Variants in VPS13B observed in about 807,000 individuals in gnomAD.
VPS13B encodes vacuolar protein sorting 13 homolog B, also known as intermembrane lipid transfer protein VPS13B.
VPS13B carries 285 observed loss-of-function variants against 426.4 expected under a neutral mutation model. The ratio of observed to expected loss-of-function variants is 0.67; its 90% CI spans 0.61 to 0.74. The LOEUF (loss-of-function observed/expected upper bound fraction) is 0.74, where lower values mean the gene tolerates loss of function less well. Among genes scored for constraint, VPS13B ranks in the 30% least tolerant of loss-of-function variants. The pLI, the probability that VPS13B is intolerant of heterozygous loss-of-function variation, is 0.00. For missense variants in VPS13B, 4,537 were observed against 4,782.6 expected (o/e 0.95, Z 1.51); for synonymous variants, 1,676 against 1,676.4 (o/e 1.00, Z 0.01).
At chr8:99,079,097 G>T (rs191764079) in intron 3 of VPS13B, among the ~76,000 whole-genome samples, 236 of 152,262 alleles carry the variant, frequency 1.5e-3, no homozygotes, top group African/African-American at 5.2e-3. Context: ...CAGGGCTCTG[G>T]AGAATGGGCG....
Position 99,652,203 on chromosome 8 carries a change from C to A in VPS13B, c.5909-9151C>A, listed in dbSNP as rs532574303. Reference sequence around the variant, plus strand: ...AGTCCTATGAGAGCTCAGGATTAGACCTCTCGGTACTAAGTTTTAATCCTG... The same window carrying A: ...AGTCCTATGAGAGCTCAGGATTAGAACTCTCGGTACTAAGTTTTAATCCTG... On this transcript the variant is annotated intron_variant, in intron 34 of 61. Transcript: ENST00000357162. Among the ~76,000 whole-genome samples, 4 of 152,146 alleles carry A rather than the reference C, an allele frequency of 2.6e-5. No homozygotes were observed. The East Asian group carries it at 7.7e-4, about 29-fold the overall frequency.
At chr8:99,287,207 T>G (rs964029116) in intron 19 of VPS13B, among the ~76,000 whole-genome samples, 3 of 151,050 alleles carry the variant, frequency 2.0e-5, no homozygotes, top group African/African-American at 7.3e-5. Context: ...TAAGGAGATA[T>G]ATGTGTGTGT....
chr8:99,837,106 A>C (rs1815437556), intron 54 of VPS13B, among the ~76,000 whole-genome samples: 1 of 152,142 alleles, frequency 6.6e-6, no homozygotes, highest in African/African-American at 2.4e-5. Context: ...TGTGAAGTGT[A>C]TTTGTGAAAT....
intron 25 of VPS13B, among the ~76,000 whole-genome samples, chr8:99,497,465 A>G (rs1264870986): frequency 6.6e-6 from 1 of 151,016 alleles, no homozygotes; most frequent in Non-Finnish European, 1.5e-5. Context: ...TTAACTACTC[A>G]ATGTTTGGAA....
intron 43 of VPS13B, among the ~76,000 whole-genome samples, chr8:99,801,127 G>C (rs571136012): frequency 1.3e-5 from 2 of 152,190 alleles, no homozygotes; most frequent in South Asian, 4.2e-4. Context: ...TTGATGCTCT[G>C]AGAGGAAATA....
At chr8:99,697,559 G>A (rs932638948) in intron 35 of VPS13B, 11 of 699,670 alleles carry the variant, frequency 1.6e-5, no homozygotes, top group Non-Finnish European at 2.6e-5. Flanking sequence ...GGACTACAGC[G>A]AGAACATGCA....
At chr8:99,290,751 T>C (rs901762923) in intron 19 of VPS13B, among the ~76,000 whole-genome samples, 1 of 152,158 alleles carries the variant, frequency 6.6e-6, no homozygotes, top group Admixed American at 6.6e-5. Context: ...CCAGTCTTTC[T>C]GACTTGGAAA....
chr8:99,061,899 A>T (rs72670203), intron 3 of VPS13B, among the ~76,000 whole-genome samples: 15 of 152,146 alleles, frequency 9.9e-5, no homozygotes, highest in Admixed American at 3.9e-4. Flanking sequence ...AGAAATTAAA[A>T]CAAGAGTGTT....
chr8:99,136,958 G>A (rs571600019), intron 12 of VPS13B, among the ~76,000 whole-genome samples: 8 of 152,164 alleles, frequency 5.3e-5, no homozygotes, highest in African/African-American at 1.9e-4. Flanking sequence ...GCTGACTGAA[G>A]ACATTTTGTA....
intron 3 of VPS13B, among the ~76,000 whole-genome samples, chr8:99,065,279 C>T (rs774225896): frequency 6.6e-6 from 1 of 152,176 alleles, no homozygotes; most frequent in Non-Finnish European, 1.5e-5. Context: ...TACTGGCAAA[C>T]CAAATCCAGC....
intron 35 of VPS13B, among the ~76,000 whole-genome samples, chr8:99,692,200 A>G (rs1477211357): frequency 6.7e-6 from 1 of 148,614 alleles, no homozygotes; most frequent in South Asian, 2.2e-4. Flanking sequence ...GACCTAATAG[A>G]CATCTACAGA....
chr8:99,784,266 C>T (rs778149303), intron 42 of VPS13B, 49 bp from the exon 43 acceptor site: 1 of 1,612,692 alleles, frequency 6.2e-7, no homozygotes, highest in Admixed American at 1.7e-5. Context: ...TGCCAAACAT[C>T]TTACAATTAA....
Position 99,819,432 on chromosome 8 carries a change from A to T in VPS13B, c.8642A>T (p.Asp2881Val). Reference sequence around the variant, plus strand: ...CCTAGAGAAGAATATGATCCTTCAGATTGTGCAGTTCCCATCTCAACATCC... The same window carrying T: ...CCTAGAGAAGAATATGATCCTTCAGTTTGTGCAGTTCCCATCTCAACATCC... ...FQAREEYDPS[D>V]CAVPISTSLI... Residue 2881 changes from aspartate to valine, a missense_variant, in exon 48 of 62, where the codon GAT becomes GTT. This residue lies in a region of VPS13B where 4,311 missense variants were observed against 4,474.3 expected (regional missense o/e 0.96). Transcript: ENST00000357162. 8.7e-6 allele frequency: 14 copies of T among 1,613,846 alleles called. No homozygotes were observed. Among genetic ancestry groups the T allele is most frequent in the Non-Finnish European group, 1.2e-5 (14 of 1,179,810 alleles).
rs140553694 is a variant in VPS13B, at chr8:99,399,717, A to C, written c.3082+8013A>C. On this transcript the variant is annotated intron_variant, in intron 21 of 61. Transcript: ENST00000357162. ...CTAGTGTTCATATGAAAACTCCTGAAGTGAATCATTAGCTCATAAAGAGAT... is the reference window on the plus strand; with the variant it reads ...CTAGTGTTCATATGAAAACTCCTGACGTGAATCATTAGCTCATAAAGAGAT... Among the ~76,000 whole-genome samples, 104 of 152,270 alleles carry C rather than the reference A, an allele frequency of 6.8e-4. 3 individuals carry two copies. The East Asian group carries it at 0.018, about 26-fold the overall frequency.
chr8:99,720,617 T>G, intron 38 of VPS13B, 65 bp downstream of exon 38: 1 of 1,523,390 alleles, frequency 6.6e-7, no homozygotes, highest in South Asian at 1.1e-5. Context: ...AAATGCATGT[T>G]GACTAAATAA....
intron 61 of VPS13B, 141 bp downstream of exon 61, chr8:99,871,838 G>T (rs1290881311): frequency 6.6e-7 from 1 of 1,503,842 alleles, no homozygotes; most frequent in Non-Finnish European, 9.1e-7. Flanking sequence ...ACCCAGAGGA[G>T]GAAGTGTAGA....
intron 39 of VPS13B, among the ~76,000 whole-genome samples, chr8:99,731,174 T>A (rs1357324907): frequency 6.6e-6 from 1 of 152,176 alleles, no homozygotes; most frequent in Non-Finnish European, 1.5e-5. Context: ...AGGCCGCAGA[T>A]GTGGCTTCTT....
intron 30 of VPS13B, among the ~76,000 whole-genome samples, chr8:99,543,467 C>A (rs1217235232): frequency 6.6e-6 from 1 of 151,684 alleles, no homozygotes; most frequent in Non-Finnish European, 1.5e-5. Context: ...CAAATGGGAT[C>A]TAATTAAACT....
At chr8:99,351,269 C>G (rs1380383920) in intron 19 of VPS13B, among the ~76,000 whole-genome samples, 1 of 152,176 alleles carries the variant, frequency 6.6e-6, no homozygotes, top group Non-Finnish European at 1.5e-5. Flanking sequence ...TTTCATGTAT[C>G]TATCTTTTCC....
Sources: allele counts gnomAD v4.1 joint callset (sites outside exome capture counted in the v4.1 genomes callset), GRCh38; gene constraint gnomAD v4.1.1; regional missense constraint gnomAD v4.1.1; transcripts MANE v1.5; gene names NCBI Gene and HGNC (gene_info 2026-07-23, HGNC 2026-07-21).